The following CCSER1 variants were observed in gnomAD, a reference collection of about 807,000 sequenced individuals.
The protein encoded by CCSER1 is serine-rich coiled-coil domain-containing protein 1.
CCSER1 carries 41 observed loss-of-function variants against 82.0 expected under a neutral mutation model. The ratio of observed to expected loss-of-function variants is 0.50; its 90% CI spans 0.39 to 0.65. CCSER1 has a LOEUF of 0.65. Ranked by LOEUF, CCSER1 falls within the 30% of genes least tolerant of loss-of-function variation. The probability of loss-of-function intolerance (pLI) is 0.00; values close to 1 mark genes in which losing one functional copy is unlikely to be tolerated. For missense variants in CCSER1, 1,119 were observed against 1,064.2 expected (o/e 1.05, Z -0.72); for synonymous variants, 414 against 383.9 (o/e 1.08, Z -0.92).
intron 10 of CCSER1, among the ~76,000 whole-genome samples, chr4:91,337,511 G>A (rs923539167): frequency 2.6e-5 from 4 of 152,024 alleles, no homozygotes; most frequent in Non-Finnish European, 5.9e-5. Context: ...CCATGCATTA[G>A]GCATCTTATA....
chr4:91,069,109 G>A (rs773444237), intron 9 of CCSER1, among the ~76,000 whole-genome samples: 9 of 152,084 alleles, frequency 5.9e-5, no homozygotes, highest in African/African-American at 1.2e-4. Flanking sequence ...AGGAGGCAGA[G>A]GTTGCAGTGA....
At chr4:90,317,871 C>G (rs528343128) in intron 3 of CCSER1, among the ~76,000 whole-genome samples, 1 of 152,316 alleles carries the variant, frequency 6.6e-6, no homozygotes. Flanking sequence ...GTGAAACTCA[C>G]TTTCTTCTGC....
chr4:90,472,853 G>T (rs117551855), intron 5 of CCSER1, among the ~76,000 whole-genome samples: 10 of 152,082 alleles, frequency 6.6e-5, no homozygotes, highest in Non-Finnish European at 1.2e-4. Context: ...TAAAGAAAAT[G>T]TGGTATATAT....
chr4:90,839,983 A>T (rs536462091), intron 8 of CCSER1, among the ~76,000 whole-genome samples: 1 of 152,150 alleles, frequency 6.6e-6, no homozygotes, highest in South Asian at 2.1e-4. Flanking sequence ...AATTAATATA[A>T]TAATGTGACT....
At chr4:90,266,860 G>A (rs1725329985) in intron 1 of CCSER1, among the ~76,000 whole-genome samples, 1 of 151,998 alleles carries the variant, frequency 6.6e-6, no homozygotes, top group South Asian at 2.1e-4. Flanking sequence ...AGGCCACAGG[G>A]ACTACAAATC....
At chr4:90,380,937 C>T (rs1303749435) in intron 3 of CCSER1, among the ~76,000 whole-genome samples, 1 of 152,182 alleles carries the variant, frequency 6.6e-6, no homozygotes, top group African/African-American at 2.4e-5. Context: ...GGGCTGTGTG[C>T]TAAGTGAGAA....
intron 1 of CCSER1, among the ~76,000 whole-genome samples, chr4:90,187,931 A>T (rs1200840516): frequency 6.6e-6 from 1 of 151,956 alleles, no homozygotes; most frequent in Non-Finnish European, 1.5e-5. Flanking sequence ...ACAAAAAAAC[A>T]GTCAGAAAAT....
chr4:91,374,942 G>A (rs564715543), intron 10 of CCSER1, among the ~76,000 whole-genome samples: 7 of 152,322 alleles, frequency 4.6e-5, no homozygotes, highest in East Asian at 1.9e-4. Context: ...GTTGCAGTGA[G>A]CTGAGATCAT....
At chr4:91,117,903 T>C (rs1726763300) in intron 10 of CCSER1, among the ~76,000 whole-genome samples, 1 of 152,226 alleles carries the variant, frequency 6.6e-6, no homozygotes. Flanking sequence ...TTTTACTTTC[T>C]AGCAAATTCA....
rs565833887 is a variant in CCSER1 at position 90,759,979 on chromosome 4, A to G, written c.2010+35988A>G. Among the ~76,000 whole-genome samples the G allele has an allele frequency of 2.6e-5, 4 of 152,150 alleles. No individual in the cohort carries two copies. The East Asian group carries it at 5.8e-4, about 22-fold the overall frequency. On this transcript the variant is annotated intron_variant, in intron 7 of 10. Transcript: ENST00000509176. ...TTTTCTTTAAAATTATTACATTTTA[A>G]TATTGTAAAATATTATAAATGAAGT...
At chr4:90,481,292 G>T (rs998771004) in intron 5 of CCSER1, among the ~76,000 whole-genome samples, 3 of 152,118 alleles carry the variant, frequency 2.0e-5, no homozygotes, top group Admixed American at 2.0e-4. Context: ...GGGTTTTCTA[G>T]ATATACAATC....
intron 8 of CCSER1, among the ~76,000 whole-genome samples, chr4:90,845,712 T>C (rs1202476360): frequency 6.6e-6 from 1 of 152,164 alleles, no homozygotes; most frequent in Non-Finnish European, 1.5e-5. Flanking sequence ...TAGTGCTTTT[T>C]TTTAAATTTA....
chr4:91,378,919 T>C (rs1320754738), intron 10 of CCSER1, among the ~76,000 whole-genome samples: 4 of 152,152 alleles, frequency 2.6e-5, no homozygotes, highest in Admixed American at 1.3e-4. Context: ...TTTTGAGATA[T>C]GTCCCATCAA....
chr4:91,081,682 A>G (rs1293561696), intron 9 of CCSER1, among the ~76,000 whole-genome samples: 1 of 152,214 alleles, frequency 6.6e-6, no homozygotes, highest in East Asian at 1.9e-4. Context: ...TGAGCCCAAA[A>G]TCTCCTTAAG....
chr4:90,502,585 G>T (rs915868820), intron 5 of CCSER1, among the ~76,000 whole-genome samples: 1 of 152,116 alleles, frequency 6.6e-6, no homozygotes, highest in African/African-American at 2.4e-5. Context: ...GGTGGACAAT[G>T]CCTCAGGTGG....
intron 4 of CCSER1, among the ~76,000 whole-genome samples, chr4:90,460,599 C>A (rs1346806228): frequency 6.6e-6 from 1 of 151,922 alleles, no homozygotes; most frequent in Non-Finnish European, 1.5e-5. Context: ...GAAGTTTTTA[C>A]TTCAGGATAT....
At chr4:91,081,559 C>A (rs184156074) in intron 9 of CCSER1, among the ~76,000 whole-genome samples, 2,598 of 152,124 alleles carry the variant, frequency 0.017, 79 homozygotes, top group African/African-American at 0.059. Context: ...GAAGTTCTGG[C>A]CAGGGCAATC....
chr4:90,317,812 CA>C (rs1201925108), intron 3 of CCSER1, among the ~76,000 whole-genome samples: 1 of 152,038 alleles, frequency 6.6e-6, no homozygotes, highest in African/African-American at 2.4e-5. Flanking sequence ...TTTACCATGG[CA>C]AAAAGAAAGA....
At chr4:90,534,405 A>T (rs1376943711) in intron 5 of CCSER1, among the ~76,000 whole-genome samples, 1 of 150,760 alleles carries the variant, frequency 6.6e-6, no homozygotes, top group African/African-American at 2.5e-5. Context: ...CTGGGATTAC[A>T]GGCGTGAGCC....
Sources: allele counts gnomAD v4.1 joint callset (sites outside exome capture counted in the v4.1 genomes callset), GRCh38; gene constraint gnomAD v4.1.1; transcripts MANE v1.5; gene names NCBI Gene and HGNC (gene_info 2026-07-23, HGNC 2026-07-21).